PRKN: variants seen among roughly 807,000 people sequenced by gnomAD.
PRKN encodes the protein E3 ubiquitin-protein ligase parkin.
A neutral mutation model predicts 59.5 loss-of-function variants in PRKN; 56 were observed. The observed-to-expected ratio is 0.94, with a 90% CI of 0.76 to 1.18. The LOEUF is 1.18. Among genes scored for constraint, PRKN ranks in the 50% most tolerant of loss-of-function variants. The pLI, the probability that PRKN is intolerant of heterozygous loss-of-function variation, is 0.00. For synonymous variants in PRKN, 250 were observed against 222.1 expected (o/e 1.13, Z -1.12); for missense variants, 657 against 596.4 (o/e 1.10, Z -1.06).
intron 7 of PRKN, among the ~76,000 whole-genome samples, chr6:161,750,144 T>C (rs78639828): frequency 1.6e-4 from 23 of 145,790 alleles, no homozygotes; most frequent in Non-Finnish European, 1.5e-4. Flanking sequence ...CACACACACA[T>C]ATATAAATTA....
At chr6:162,419,411 C>G (rs1788835316) in intron 2 of PRKN, among the ~76,000 whole-genome samples, 1 of 152,140 alleles carries the variant, frequency 6.6e-6, no homozygotes, top group Non-Finnish European at 1.5e-5. Flanking sequence ...CGTTTACATG[C>G]ATGTGGTCAG....
chr6:161,453,525 C>T (rs1052786549), intron 9 of PRKN, among the ~76,000 whole-genome samples: 2 of 152,110 alleles, frequency 1.3e-5, no homozygotes, highest in South Asian at 4.2e-4. Flanking sequence ...CGGGCCTCAT[C>T]CATTTAGTTG....
intron 7 of PRKN, among the ~76,000 whole-genome samples, chr6:161,759,271 T>G (rs1789088662): frequency 6.6e-6 from 1 of 152,138 alleles, no homozygotes; most frequent in Non-Finnish European, 1.5e-5. Flanking sequence ...AGCATTTTAA[T>G]GTATGAGTTC....
chr6:161,995,074 A>C (rs1781792122), intron 5 of PRKN, among the ~76,000 whole-genome samples: 1 of 152,178 alleles, frequency 6.6e-6, no homozygotes, highest in Admixed American at 6.5e-5. Context: ...ACAGTAGGGT[A>C]CTGGTATAAA....
At chr6:161,421,931 G>GT (rs1334168812) in intron 9 of PRKN, among the ~76,000 whole-genome samples, 3 of 152,132 alleles carry the variant, frequency 2.0e-5, no homozygotes, top group African/African-American at 7.2e-5. Flanking sequence ...TTAGAATTTA[G>GT]TGAATTTCAG....
Position 161,601,852 on chromosome 6 carries a change from G to T in PRKN, c.872-32436C>A, listed in dbSNP as rs996646668. On this transcript the variant is annotated intron_variant, in intron 7 of 11. Coordinates refer to ENST00000366898, the MANE Select transcript of PRKN (RefSeq NM_004562.3). ...CCACCTCGGCCTCCCAAAGTGCTGG[G>T]ATTACAGGCATGAGCCACCGCGCCC... Among the ~76,000 whole-genome samples the T allele has an allele frequency of 8.5e-5, 13 of 152,254 alleles. 2 individuals carry two copies. The highest frequency in any genetic ancestry group is 8.5e-4 in the Admixed American group (13 of 15,298).
intron 1 of PRKN, among the ~76,000 whole-genome samples, chr6:162,443,876 G>A (rs965355444): frequency 1.3e-5 from 2 of 151,120 alleles, no homozygotes; most frequent in African/African-American, 2.4e-5. Context: ...AATAGGAGGC[G>A]ATGTGTTAGC....
intron 1 of PRKN, among the ~76,000 whole-genome samples, chr6:162,500,057 T>C (rs1035914340): frequency 6.6e-6 from 1 of 152,160 alleles, no homozygotes; most frequent in Non-Finnish European, 1.5e-5. Context: ...TCATGGCTCA[T>C]GGCACTCATA....
rs77600121 is a variant in PRKN at position 161,369,932 on chromosome 6, C to T, written c.1168-9727G>A. The T allele has an allele frequency of 0.083, 34,775 of 417,580 alleles. 2,074 individuals carry two copies. The highest frequency in any genetic ancestry group is 0.19 in the South Asian group (11,431 of 60,524). The allele number at this position is 417,580 out of a possible 1,614,324, so 25.9% of individuals were successfully genotyped here. A position where few individuals can be genotyped will look rare whatever the true frequency, so the allele number is the denominator to read the frequency against. ...AGAGGAATAACCTCACAAGGGTCAT[C>T]GTGAGTAAGATCAACACACAAACGG... On this transcript the variant is annotated intron_variant, in intron 10 of 11. Transcript: ENST00000366898. This position sits in a 1 kb window ranked among gnomAD's most constrained non-coding sequence, Gnocchi z 5.8.
intron 6 of PRKN, among the ~76,000 whole-genome samples, chr6:161,837,687 T>C (rs1792816255): frequency 6.6e-6 from 1 of 151,708 alleles, no homozygotes; most frequent in Non-Finnish European, 1.5e-5. Context: ...TAATGAATAA[T>C]AAGGGACTGA....
intron 5 of PRKN, among the ~76,000 whole-genome samples, chr6:162,038,568 C>T (rs919149667): frequency 7.2e-5 from 11 of 152,176 alleles, no homozygotes; most frequent in Non-Finnish European, 1.5e-4. Flanking sequence ...AGTATCATAA[C>T]AAAAGTTCAA....
At chr6:162,428,050 T>TC (rs2128161790) in intron 2 of PRKN, among the ~76,000 whole-genome samples, 1 of 152,230 alleles carries the variant, frequency 6.6e-6, no homozygotes, top group Admixed American at 6.5e-5. Context: ...TTGTTTTCCA[T>TC]CCCTGGGGTT....
At chr6:162,568,229 C>G (rs896922583) in intron 1 of PRKN, 3 of 173,062 alleles carry the variant, frequency 1.7e-5, no homozygotes, top group African/African-American at 7.1e-5. Context: ...TTGAGCAATA[C>G]CCCACAAGCA....
chr6:162,310,711 T>A (rs1782466430), intron 2 of PRKN, among the ~76,000 whole-genome samples: 1 of 151,746 alleles, frequency 6.6e-6, no homozygotes, highest in South Asian at 2.1e-4. Flanking sequence ...AACCTGCACA[T>A]TGTGCATATG....
rs1390880404 is a variant in PRKN at position 161,405,611 on chromosome 6, TA to T, written c.1084-18735del. Among the ~76,000 whole-genome samples the T allele has an allele frequency of 2.4e-4, 18 of 74,430 alleles. No homozygotes were observed. The highest frequency in any genetic ancestry group is 7.5e-4 in the African/African-American group (18 of 24,072). The allele number at this position is 74,430 out of a possible 152,430, so 48.8% of individuals were successfully genotyped here. A position where few individuals can be genotyped will look rare whatever the true frequency, so the allele number is the denominator to read the frequency against. On this transcript the variant is annotated intron_variant, in intron 9 of 11. Coordinates refer to ENST00000366898, the MANE Select transcript of PRKN (RefSeq NM_004562.3). This position sits in a 1 kb window ranked among gnomAD's most constrained non-coding sequence, Gnocchi z 5.1. Reference sequence around the variant, plus strand: ...AATAAAATAAAATAAAAATTAAAAATAAATAAATAAATAAATAAATAAATAA... The same window carrying T: ...AATAAAATAAAATAAAAATTAAAAATAATAAATAAATAAATAAATAAATAA...
chr6:162,623,263 C>T (rs1782751789), intron 1 of PRKN, among the ~76,000 whole-genome samples: 1 of 151,532 alleles, frequency 6.6e-6, no homozygotes, highest in Non-Finnish European at 1.5e-5. Flanking sequence ...AATAAAGTTT[C>T]CAATATAGAG....
At chr6:161,931,731 T>C (rs1179324899) in intron 6 of PRKN, among the ~76,000 whole-genome samples, 1 of 152,202 alleles carries the variant, frequency 6.6e-6, no homozygotes, top group Non-Finnish European at 1.5e-5. Context: ...ACACAAAATA[T>C]TTAATAATAG....
intron 9 of PRKN, among the ~76,000 whole-genome samples, chr6:161,472,728 G>A (rs574936044): frequency 9.2e-5 from 14 of 152,244 alleles, no homozygotes; most frequent in African/African-American, 3.4e-4. Context: ...CAGATTGGAA[G>A]AAAATATTTG....
intron 2 of PRKN, among the ~76,000 whole-genome samples, chr6:162,412,960 A>G (rs1788423193): frequency 6.6e-6 from 1 of 152,176 alleles, no homozygotes; most frequent in Non-Finnish European, 1.5e-5. Context: ...TCTCTTAAAC[A>G]CAGTTTAATG....
Sources: allele counts gnomAD v4.1 joint callset (sites outside exome capture counted in the v4.1 genomes callset), GRCh38; gene constraint gnomAD v4.1.1; non-coding constraint Gnocchi (gnomAD v3.1); transcripts MANE v1.5; gene names NCBI Gene and HGNC (gene_info 2026-07-23, HGNC 2026-07-21).